EHBP1L1: variants seen among roughly 807,000 people sequenced by gnomAD.
EHBP1L1 encodes the protein EH domain binding protein 1 like 1.
A neutral mutation model predicts 151.1 loss-of-function variants in EHBP1L1; 122 were observed. That is an observed-to-expected ratio of 0.81 (90% CI 0.70 to 0.94). The LOEUF is 0.94. EHBP1L1 is among the 40% of genes least tolerant of loss of function. The pLI is 0.00. For synonymous variants in EHBP1L1, 878 were observed against 810.1 expected (o/e 1.08, Z -1.42); for missense variants, 1,941 against 1,959.8 (o/e 0.99, Z 0.18).
chr11:65,590,623 A>C (rs761390786), intron 16 of EHBP1L1, 31 bp downstream of exon 16: 1 of 1,595,668 alleles, frequency 6.3e-7, no homozygotes, highest in African/African-American at 1.3e-5. Context: ...AGGAGAGCAG[A>C]GGGACTCTTA....
chr11:65,579,551 A>C, intron 3 of EHBP1L1, 115 bp downstream of exon 3: 1 of 896,942 alleles, frequency 1.1e-6, no homozygotes. Flanking sequence ...GCGGGGGGTG[A>C]GGCCAAGAAT....
chr11:65,584,584 A>T, intron 11 of EHBP1L1, 50 bp downstream of exon 11: 1 of 1,587,556 alleles, frequency 6.3e-7, no homozygotes, highest in Non-Finnish European at 8.6e-7. Flanking sequence ...CTGGAGAGCC[A>T]GGCTCTCAGT....
intron 1 of EHBP1L1, among the ~76,000 whole-genome samples, chr11:65,576,718 A>G (rs1433109043): frequency 6.6e-6 from 1 of 152,064 alleles, no homozygotes; most frequent in East Asian, 1.9e-4. Flanking sequence ...CTTGTGCCAG[A>G]AAGGTGGTTC....
At chr11:65,576,961 G>A (rs1246546122) in intron 1 of EHBP1L1, among the ~76,000 whole-genome samples, 1 of 151,930 alleles carries the variant, frequency 6.6e-6, no homozygotes, top group Admixed American at 6.5e-5. Context: ...GTGCTGGGAG[G>A]ATTGAGGAGG....
Position 65,585,464 on chromosome 11 carries a change from G to C in EHBP1L1, c.3806G>C (p.Arg1269Pro), listed in dbSNP as rs773239350. Residue 1269 changes from arginine (R) to proline (P), a missense_variant, in exon 12 of 19, where the codon CGC becomes CCC. Coordinates refer to ENST00000309295, the MANE Select transcript of EHBP1L1 (RefSeq NM_001099409.3). The surrounding 1 kb of genome is among the most constrained non-coding windows in gnomAD (Gnocchi z 4.0). ...NGEPGSVPPPRAHGSFSHVRD... is the reference protein window; with the variant it reads ...NGEPGSVPPPPAHGSFSHVRD... ...GAGCCCGGGTCGGTGCCCCCGCCCC[G>C]CGCGCACGGCTCCTTCTCCCACGTG... The C allele has an allele frequency of 3.3e-6, 5 of 1,530,494 alleles. No individual in the cohort carries two copies. The South Asian group carries it at 4.8e-5, about 15-fold the overall frequency. The allele number at this position is 1,530,494 out of a possible 1,614,324, so 94.8% of individuals were successfully genotyped here. A position where few individuals can be genotyped will look rare whatever the true frequency, so the allele number is the denominator to read the frequency against.
At chr11:65,579,566 G>A in intron 3 of EHBP1L1, 130 bp downstream of exon 3, 1 of 718,248 alleles carries the variant, frequency 1.4e-6, no homozygotes, top group Non-Finnish European at 2.2e-6. Flanking sequence ...AAGAATTAGG[G>A]GGGCCTGCTC....
rs866871453 is a variant in EHBP1L1 at position 65,585,584 on chromosome 11, C to T, written c.3926C>T (p.Ala1309Val). The T allele has an allele frequency of 1.5e-5, 23 of 1,575,728 alleles. No individual in the cohort carries two copies. In the South Asian group the frequency reaches 1.7e-4, roughly 12 times the overall value. The change falls in exon 12 of 19, where the codon GCG becomes GTG. Residue 1309 changes from alanine to valine, a missense_variant. Coordinates refer to ENST00000309295, the MANE Select transcript of EHBP1L1 (RefSeq NM_001099409.3). This position sits in a 1 kb window ranked among gnomAD's most constrained non-coding sequence, Gnocchi z 4.0. ...DDPDAGAMGA[A>V]AAEGQAPDPS... ...CCGGACGCGGGAGCCATGGGAGCTGCGGCTGCAGTGAGTGTCAAGGTCCTT... is the reference window on the plus strand; with the variant it reads ...CCGGACGCGGGAGCCATGGGAGCTGTGGCTGCAGTGAGTGTCAAGGTCCTT...
chr11:65,587,695 A>G (rs1202593173), intron 12 of EHBP1L1, among the ~76,000 whole-genome samples: 1 of 152,168 alleles, frequency 6.6e-6, no homozygotes, highest in Non-Finnish European at 1.5e-5. Context: ...CATTTTACAT[A>G]CAAGGACACA....
chr11:65,591,758 G>T, intron 16 of EHBP1L1, 42 bp from the exon 17 acceptor site: 4 of 1,464,994 alleles, frequency 2.7e-6, no homozygotes, highest in African/African-American at 1.4e-5. Flanking sequence ...CCCTTTTCCT[G>T]AACTGCCACC....
intron 1 of EHBP1L1, among the ~76,000 whole-genome samples, chr11:65,578,822 C>T (rs1267714632): frequency 6.6e-6 from 1 of 152,274 alleles, no homozygotes; most frequent in African/African-American, 2.4e-5. Context: ...CACTTGCTGT[C>T]TTTCCTCATA....
In EHBP1L1 at chr11:65,584,477, T is replaced by A. The variant is rs1416821519; in HGVS notation, c.3252-9T>A. ...TGGACCCAGCCTCTGACCAGCACAC[T>A]CTCTGCAGTGACTATGCCTCGCTAG... On this transcript the variant is annotated splice_polypyrimidine_tract_variant and intron_variant, in intron 10 of 18. Coordinates refer to ENST00000309295, the MANE Select transcript of EHBP1L1 (RefSeq NM_001099409.3). 76 of 1,613,140 alleles carry A rather than the reference T, an allele frequency of 4.7e-5. No homozygotes were observed. The highest frequency in any genetic ancestry group is 6.0e-5 in the Non-Finnish European group (71 of 1,179,738).
intron 12 of EHBP1L1, 35 bp from the exon 13 acceptor site, chr11:65,589,716 C>T (rs769371930): frequency 5.3e-5 from 80 of 1,497,754 alleles, no homozygotes; most frequent in Non-Finnish European, 7.0e-5. Flanking sequence ...TGGTGGGAAA[C>T]CCCTCCCAGC....
At chr11:65,591,537 T>C (rs948508402) in intron 16 of EHBP1L1, 26 of 581,900 alleles carry the variant, frequency 4.5e-5, no homozygotes, top group African/African-American at 1.5e-4. Flanking sequence ...TTATGAGTAC[T>C]GTTCATCCAA....
Position 65,585,212 on chromosome 11 carries a change from A to T in EHBP1L1, c.3554A>T (p.His1185Leu). ...GGCCTGGCGCAGCGGCTGCGCGGTCACGGGGCCGAGGGGCCCCAGGAGCCC... is the reference window on the plus strand; with the variant it reads ...GGCCTGGCGCAGCGGCTGCGCGGTCTCGGGGCCGAGGGGCCCCAGGAGCCC... ...AGGLAQRLRG[H>L]GAEGPQEPKE... is the part of the protein sequence containing the mutation. The change falls in exon 12 of 19, where the codon CAC becomes CTC. Residue 1185 changes from histidine (H) to leucine (L), a missense_variant. By Grantham distance (99) the His-to-Leu change is moderately conservative (BLOSUM62 -3). Transcript: ENST00000309295. The surrounding 1 kb of genome is among the most constrained non-coding windows in gnomAD (Gnocchi z 4.0). 8.6e-7 allele frequency: 1 copy of T among 1,160,056 alleles called. No homozygotes were observed. The highest frequency in any genetic ancestry group is 1.1e-6 in the Non-Finnish European group (1 of 940,992). The allele number at this position is 1,160,056 out of a possible 1,614,324, so 71.9% of individuals were successfully genotyped here.
rs751264035 is a variant in EHBP1L1 at position 65,589,804 on chromosome 11, C to T, written c.3987C>T (p.Asp1329=). The T allele has an allele frequency of 6.4e-7, 1 of 1,563,836 alleles. No individual in the cohort carries two copies. Among genetic ancestry groups the T allele is most frequent in the East Asian group, 2.4e-5 (1 of 42,104 alleles). ...CCCCAGGCCCACCCACAGCTGCAGA[C>T]TCTCAACAGCCCCCTGGTGAGTAGC... ...SPAPGPPTAA[D]SQQPPGGSSP... Residue 1329 remains aspartate, a synonymous_variant, in exon 13 of 19, where the codon GAC becomes GAT. Coordinates refer to ENST00000309295, the MANE Select transcript of EHBP1L1 (RefSeq NM_001099409.3).
At chr11:65,588,300 G>A (rs985916506) in intron 12 of EHBP1L1, among the ~76,000 whole-genome samples, 2 of 152,156 alleles carry the variant, frequency 1.3e-5, no homozygotes, top group Admixed American at 1.3e-4. Context: ...ACTGAAAGTC[G>A]GCCACTGTGG....
chr11:65,585,107 A>T lies in EHBP1L1; in HGVS notation c.3449A>T (p.Gln1150Leu). ...FCTGQELQLV[Q>L]LEGGGGAGTY... ...ACCGGGCAGGAGCTGCAGCTGGTAC[A>T]ACTGGAGGGCGGCGGCGGCGCCGGC... Residue 1150 changes from glutamine to leucine, a missense_variant, in exon 12 of 19, where the codon CAA becomes CTA. Gln to Leu is a moderately radical substitution (Grantham distance 113). Coordinates refer to ENST00000309295, the MANE Select transcript of EHBP1L1 (RefSeq NM_001099409.3). This position sits in a 1 kb window ranked among gnomAD's most constrained non-coding sequence, Gnocchi z 4.0. 6.6e-7 allele frequency: 1 copy of T among 1,518,464 alleles called. No individual in the cohort carries two copies. 94.1% of individuals were successfully genotyped at this position (1,518,464 alleles called of 1,614,324 possible). A position where few individuals can be genotyped will look rare whatever the true frequency, so the allele number is the denominator to read the frequency against.
At chr11:65,587,650 G>T (rs1371093733) in intron 12 of EHBP1L1, among the ~76,000 whole-genome samples, 1 of 152,220 alleles carries the variant, frequency 6.6e-6, no homozygotes, top group Non-Finnish European at 1.5e-5. Context: ...TAGAAGCCCT[G>T]CAGCTCCCAG....
rs75062275 is a variant in EHBP1L1, at chr11:65,581,112, G to A, written c.689G>A (p.Arg230Gln). 9.3e-3 allele frequency: 14,987 copies of A among 1,612,902 alleles called. 951 individuals carry two copies. In the African/African-American group the frequency reaches 0.16, roughly 17 times the overall value. ...LCEEEEEGQG[R>Q]PQQAVASPSN... ...GAGGAGGAGGAGGAAGGCCAAGGACGACCCCAGCAGGCAGGTGAGACCCAG... is the reference window on the plus strand; with the variant it reads ...GAGGAGGAGGAGGAAGGCCAAGGACAACCCCAGCAGGCAGGTGAGACCCAG... Residue 230 changes from arginine to glutamine, a missense_variant, in exon 7 of 19, where the codon CGA (arginine) becomes CAA (glutamine). Arg to Gln is a conservative substitution (Grantham distance 43). Transcript: ENST00000309295.
Sources: gnomAD v4.1 joint callset for allele counts (sites outside exome capture counted in the v4.1 genomes callset) on GRCh38, gnomAD v4.1.1 for gene constraint, Gnocchi (gnomAD v3.1) non-coding constraint, MANE v1.5 for transcripts, NCBI Gene and HGNC (gene_info 2026-07-23, HGNC 2026-07-21) for gene names.